ECPAS: variants seen among roughly 807,000 people sequenced by gnomAD.
ECPAS encodes Ecm29 proteasome adaptor and scaffold.
ECPAS carries 70 observed loss-of-function variants against 255.1 expected under a neutral mutation model. That is an observed-to-expected ratio of 0.27 (90% CI 0.23 to 0.33). The LOEUF is 0.33. ECPAS is among the 10% of genes least tolerant of loss of function. ECPAS has a pLI of 1.00. For missense variants in ECPAS, 1,817 were observed against 2,206.4 expected (o/e 0.82, Z 3.54); for synonymous variants, 784 against 775.0 (o/e 1.01, Z -0.19).
In ECPAS at chr9:111,369,062, C is replaced by T. The variant is rs1478667175; in HGVS notation, c.5086G>A (p.Ala1696Thr). 6.3e-7 allele frequency: 1 copy of T among 1,595,220 alleles called. No homozygotes were observed. The highest frequency in any genetic ancestry group is 8.5e-7 in the Non-Finnish European group (1 of 1,173,594). ...TGGGTCTCCGCGTTTCGCGGCCAGG[C>T]TTTGCCCAGGCTTTCAAAGGCACCC... ...LLGAFESLGKAWPRNAETQRC... is the reference protein window; with the variant it reads ...LLGAFESLGKTWPRNAETQRC... Residue 1696 changes from alanine to threonine, a missense_variant, in exon 46 of 50, where the codon GCC (alanine) becomes ACC (threonine). By Grantham distance (58) the Ala-to-Thr change is moderately conservative (BLOSUM62 0). Coordinates refer to ENST00000684092, the MANE Select transcript of ECPAS (RefSeq NM_001364929.1).
chr9:111,484,081 G>A lies in ECPAS; in HGVS notation c.-83+35C>T, dbSNP rs983183134. On this transcript the variant is annotated intron_variant, in intron 1 of 49. Transcript: ENST00000684092. ...CTAACCGCGCCGCCGCGCGCGCAGG[G>A]CCAGTCCCCCGCGGCCCGGGGGCGG... The A allele has an allele frequency of 9.6e-6, 12 of 1,243,852 alleles. No homozygotes were observed. The African/African-American group carries it at 1.1e-4, about 12-fold the overall frequency. 77.1% of individuals were successfully genotyped at this position (1,243,852 alleles called of 1,614,324 possible).
chr9:111,474,183 C>T (rs1409038219), intron 1 of ECPAS, among the ~76,000 whole-genome samples: 2 of 152,112 alleles, frequency 1.3e-5, no homozygotes, highest in Non-Finnish European at 2.9e-5. Context: ...TAATTCAACC[C>T]ATTCATTCAA....
intron 9 of ECPAS, among the ~76,000 whole-genome samples, chr9:111,429,598 C>T (rs973899442): frequency 3.3e-5 from 5 of 152,180 alleles, no homozygotes; most frequent in African/African-American, 1.2e-4. Context: ...CCATTTGGGG[C>T]TAGAATTCAT....
At chr9:111,476,045 T>C (rs1301723168) in intron 1 of ECPAS, among the ~76,000 whole-genome samples, 4 of 152,358 alleles carry the variant, frequency 2.6e-5, no homozygotes, top group Non-Finnish European at 5.9e-5. Context: ...GCAGAGGCTC[T>C]CTCAGAAGAC....
intron 3 of ECPAS, among the ~76,000 whole-genome samples, chr9:111,447,255 G>A (rs2098254424): frequency 6.6e-6 from 1 of 151,938 alleles, no homozygotes; most frequent in Admixed American, 6.6e-5. Flanking sequence ...CACTGCAGTA[G>A]CTGGGACTAT....
At chr9:111,471,063 G>A (rs190164070) in intron 2 of ECPAS, among the ~76,000 whole-genome samples, 50 of 152,282 alleles carry the variant, frequency 3.3e-4, no homozygotes, top group Admixed American at 9.8e-4. Flanking sequence ...ATGTACGATC[G>A]TTAAGATCCA....
chr9:111,476,191 G>C (rs2098296044), intron 1 of ECPAS, among the ~76,000 whole-genome samples: 1 of 152,164 alleles, frequency 6.6e-6, no homozygotes, highest in South Asian at 2.1e-4. Context: ...TCCCAACGAA[G>C]ATCAGATTCT....
chr9:111,483,882 G>C (rs1276951949), intron 1 of ECPAS: 1 of 539,290 alleles, frequency 1.9e-6, no homozygotes, highest in Admixed American at 6.5e-5. Context: ...AACTCACGCC[G>C]GTTTTATATT....
chr9:111,363,684 A>AT (rs751742467), intron 48 of ECPAS, 25 bp from the exon 49 acceptor site: 2 of 1,133,252 alleles, frequency 1.8e-6, no homozygotes, highest in Non-Finnish European at 2.6e-6. Flanking sequence ...CATACAGTTC[A>AT]TATGGCCTGC....
Position 111,425,404 on chromosome 9 carries a change from G to A in ECPAS, c.1215+14C>T. 1 of 1,522,452 alleles carries A rather than the reference G, an allele frequency of 6.6e-7. No individual in the cohort carries two copies. Among genetic ancestry groups the A allele is most frequent in the Non-Finnish European group, 8.9e-7 (1 of 1,128,624 alleles). The allele number at this position is 1,522,452 out of a possible 1,614,324, so 94.3% of individuals were successfully genotyped here. ...TATAAAATGTTGATAAAATTTAAAA[G>A]ACAAGTCACTTACCTCTTTGTATTC... On this transcript the variant is annotated intron_variant, in intron 12 of 49. Transcript: ENST00000684092.
intron 2 of ECPAS, among the ~76,000 whole-genome samples, chr9:111,455,217 G>A (rs1288846454): frequency 6.6e-6 from 1 of 152,162 alleles, no homozygotes; most frequent in African/African-American, 2.4e-5. Flanking sequence ...CTGGCACATG[G>A]TTCACGCCTG....
At chr9:111,434,964 T>C (rs2131864534) in intron 7 of ECPAS, among the ~76,000 whole-genome samples, 1 of 138,632 alleles carries the variant, frequency 7.2e-6, no homozygotes, top group African/African-American at 2.8e-5. Context: ...CATGGCACAA[T>C]GTCAGCTCAC....
At chr9:111,423,537 T>C (rs2098217373) in intron 12 of ECPAS, among the ~76,000 whole-genome samples, 1 of 152,214 alleles carries the variant, frequency 6.6e-6, no homozygotes, top group Admixed American at 6.5e-5. Flanking sequence ...AGGTTTCTCT[T>C]AGCTGGTGCT....
chr9:111,412,842 C>T (rs372161127), intron 20 of ECPAS, among the ~76,000 whole-genome samples: 99 of 152,174 alleles, frequency 6.5e-4, no homozygotes, highest in African/African-American at 2.3e-3. Context: ...TGTTTTCACA[C>T]TTAAAGACAT....
At chr9:111,397,405 G>A (rs1257444594) in intron 24 of ECPAS, among the ~76,000 whole-genome samples, 1 of 152,190 alleles carries the variant, frequency 6.6e-6, no homozygotes, top group African/African-American at 2.4e-5. Context: ...CCACTAAGCA[G>A]TGATTTATGA....
Position 111,362,057 on chromosome 9 carries a change from C to T in ECPAS, c.5493G>A (p.Leu1831=). 6.2e-7 allele frequency: 1 copy of T among 1,612,336 alleles called. No individual in the cohort carries two copies. The highest frequency in any genetic ancestry group is 1.7e-5 in the Admixed American group (1 of 59,880). ...ATTCCAGATTTTCAAGTGTTTTCTT[C>T]AGTAACGCTGCTTTCTCCTGCAGTT... ...RPELQEKAAL[L]KKTLENLE is the part of the protein sequence containing the mutation. Residue 1831 remains leucine, a synonymous_variant, in exon 50 of 50, where the codon CTG becomes CTA. Transcript: ENST00000684092.
chr9:111,438,930 T>C (rs1225485205), intron 6 of ECPAS, among the ~76,000 whole-genome samples: 1 of 152,206 alleles, frequency 6.6e-6, no homozygotes, highest in East Asian at 1.9e-4. Context: ...CATGTACACA[T>C]ACTTTTGTGA....
At chr9:111,415,303 C>T (rs1189183005) in intron 18 of ECPAS, among the ~76,000 whole-genome samples, 3 of 151,520 alleles carry the variant, frequency 2.0e-5, no homozygotes, top group African/African-American at 7.3e-5. Flanking sequence ...AGTAAATGGC[C>T]TATTACTCCT....
chr9:111,430,813 T>A (rs2098228712), intron 8 of ECPAS, among the ~76,000 whole-genome samples, 185 bp from the exon 9 acceptor site: 1 of 152,234 alleles, frequency 6.6e-6, no homozygotes, highest in African/African-American at 2.4e-5. Context: ...AGTATGTTTT[T>A]AAACCAAAAC....
Sources: allele counts gnomAD v4.1 joint callset (sites outside exome capture counted in the v4.1 genomes callset), GRCh38; gene constraint gnomAD v4.1.1; transcripts MANE v1.5; gene names NCBI Gene and HGNC (gene_info 2026-07-23, HGNC 2026-07-21).